Variants in SLC25A26 observed in about 807,000 individuals in gnomAD.
SLC25A26 encodes solute carrier family 25 member 26, also known as mitochondrial S-adenosylmethionine carrier protein.
In SLC25A26, 36 loss-of-function variants were observed where a neutral mutation model predicts 37.8. That is an observed-to-expected ratio of 0.95 (90% CI 0.73 to 1.26). The LOEUF is 1.26. SLC25A26 is among the 50% of genes most tolerant of loss of function. The probability of loss-of-function intolerance (pLI) is 0.00; values close to 1 mark genes in which losing one functional copy is unlikely to be tolerated. For missense variants in SLC25A26, 390 were observed against 331.1 expected (o/e 1.18, Z -1.38); for synonymous variants, 129 against 122.5 (o/e 1.05, Z -0.35).
chr3:66,354,904 T>TGCCATAATTGTGAGGCCTCCC (rs2076540560), intron 6 of SLC25A26, among the ~76,000 whole-genome samples: 2 of 152,204 alleles, frequency 1.3e-5, no homozygotes, highest in Non-Finnish European at 2.9e-5. Flanking sequence ...CCTTGCCTTC[T>TGCCATAATTGTGAGGCCTCCC]GCCATAATTG....
Position 66,370,536 on chromosome 3 carries a change from C to G in SLC25A26, c.641C>G (p.Ser214Cys), listed in dbSNP as rs1368985038. The change falls in exon 9 of 10, where the codon TCC becomes TGC. Residue 214 changes from serine (S) to cysteine (C), a missense_variant. Transcript: ENST00000354883. ...KTRITLAKAG[S>C]STADGNVLSV... is the part of the protein sequence containing the mutation. ...CTTTGTCTGTTCACACAGGCTGGCT[C>G]CAGCACTGCTGATGGGAATGTGCTC... is the stretch of plus-strand genomic sequence containing the variant. The G allele has an allele frequency of 1.9e-6, 3 of 1,613,680 alleles. No individual in the cohort carries two copies. Among genetic ancestry groups the G allele is most frequent in the Non-Finnish European group, 2.5e-6 (3 of 1,179,802 alleles).
Position 66,214,772 on chromosome 3 carries a change from G to A in SLC25A26, c.-353-5970G>A, listed in dbSNP as rs1251414796. Among the ~76,000 whole-genome samples, 16 of 152,150 alleles carry A rather than the reference G, an allele frequency of 1.1e-4. No individual in the cohort carries two copies. In the East Asian group the frequency reaches 1.9e-3, roughly 18 times the overall value. ...TTTAATTTTAATTTTTAATAACAAAGCTATTAACTGAAATTTTTTTTTTGA... is the reference window on the plus strand; with the variant it reads ...TTTAATTTTAATTTTTAATAACAAAACTATTAACTGAAATTTTTTTTTTGA... On this transcript the variant is annotated intron_variant, in intron 1 of 10. Coordinates refer to the SLC25A26 transcript ENST00000676754.
intron 5 of SLC25A26, among the ~76,000 whole-genome samples, chr3:66,321,072 A>G (rs959030513): frequency 5.9e-5 from 9 of 152,232 alleles, no homozygotes; most frequent in Non-Finnish European, 1.2e-4. Context: ...TATAAAAAAC[A>G]CCTGAGAGAG....
At chr3:66,155,196 G>A (rs2070264614) in intron 1 of SLC25A26, among the ~76,000 whole-genome samples, 1 of 152,174 alleles carries the variant, frequency 6.6e-6, no homozygotes, top group Non-Finnish European at 1.5e-5. Context: ...ATAAATACTT[G>A]CTAAATTAAC....
At chr3:66,333,613 T>A (rs1336494469) in intron 5 of SLC25A26, among the ~76,000 whole-genome samples, 2 of 152,202 alleles carry the variant, frequency 1.3e-5, no homozygotes, top group Non-Finnish European at 2.9e-5. Flanking sequence ...ATGCTCAGCC[T>A]CTTTATGTGT....
intron 5 of SLC25A26, 134 bp from the exon 6 acceptor site, chr3:66,346,230 C>G (rs192307476): frequency 1.0e-5 from 5 of 486,562 alleles, no homozygotes; most frequent in Admixed American, 4.3e-5. Flanking sequence ...AACATTATGT[C>G]TACTATAACT....
chr3:66,331,091 G>T (rs1240334471), intron 5 of SLC25A26, among the ~76,000 whole-genome samples: 2 of 151,846 alleles, frequency 1.3e-5, no homozygotes, highest in Admixed American at 6.6e-5. Flanking sequence ...TTATTGTTTA[G>T]TTTTTATATC....
intron 3 of SLC25A26, among the ~76,000 whole-genome samples, chr3:66,253,270 G>A (rs1016166653): frequency 4.0e-5 from 6 of 151,852 alleles, no homozygotes; most frequent in African/African-American, 1.5e-4. Flanking sequence ...AGTTAGTCGG[G>A]CATGGTGGTG....
At chr3:66,302,847 G>C (rs1476338427) in intron 5 of SLC25A26, among the ~76,000 whole-genome samples, 3 of 152,180 alleles carry the variant, frequency 2.0e-5, no homozygotes, top group African/African-American at 7.2e-5. Flanking sequence ...TTTGCCTTCT[G>C]AGTGTGTAAG....
At chr3:66,190,746 C>G (rs1240752686) in intron 1 of SLC25A26, among the ~76,000 whole-genome samples, 2 of 152,134 alleles carry the variant, frequency 1.3e-5, no homozygotes, top group Admixed American at 6.6e-5. Flanking sequence ...TCTTTAGAGA[C>G]AAGTGTCTGA....
intron 9 of SLC25A26, among the ~76,000 whole-genome samples, chr3:66,374,353 C>T (rs1013302145): frequency 2.6e-5 from 4 of 152,112 alleles, no homozygotes; most frequent in Admixed American, 1.3e-4. Flanking sequence ...TGTGATCAGC[C>T]GTCTTCGATG....
At position 66,377,787 on chromosome 3, in the gene SLC25A26, G is replaced by A; in HGVS notation, c.805G>A (p.Val269Ile). Residue 269 changes from valine to isoleucine, a missense_variant, in exon 10 of 10, where the codon GTT (valine) becomes ATT (isoleucine). Physicochemically the swap from Val to Ile is conservative, Grantham distance 29. Transcript: ENST00000354883. ...YDRTHSLLLEVGRKSP is the reference protein window; with the variant it reads ...YDRTHSLLLEIGRKSP ...CCGAACGCACAGCTTGCTGTTGGAA[G>A]TTGGCAGAAAGAGTCCTTGAAGCAG... 2 of 1,613,874 alleles carry A rather than the reference G, an allele frequency of 1.2e-6. No homozygotes were observed. The highest frequency in any genetic ancestry group is 2.2e-5 in the South Asian group (2 of 91,074).
intron 1 of SLC25A26, among the ~76,000 whole-genome samples, chr3:66,143,446 T>C (rs957408729): frequency 2.6e-5 from 4 of 152,238 alleles, no homozygotes; most frequent in Middle Eastern, 3.2e-3. Flanking sequence ...CTCTACGTGC[T>C]GGCAACACAA....
chr3:66,185,571 C>A (rs1043227205), intron 1 of SLC25A26, among the ~76,000 whole-genome samples: 8 of 152,100 alleles, frequency 5.3e-5, no homozygotes, highest in African/African-American at 1.9e-4. Context: ...TGAACTTTAC[C>A]TGACCCTGTC....
At chr3:66,166,878 G>T (rs1168934560) in intron 1 of SLC25A26, among the ~76,000 whole-genome samples, 2 of 152,138 alleles carry the variant, frequency 1.3e-5, no homozygotes, top group Admixed American at 6.5e-5. Context: ...CACGTGTTGT[G>T]GGAGGGACCC....
At chr3:66,148,538 G>T (rs1274116820) in intron 1 of SLC25A26, among the ~76,000 whole-genome samples, 1 of 152,194 alleles carries the variant, frequency 6.6e-6, no homozygotes, top group Admixed American at 6.5e-5. Context: ...CTCCTAAGAG[G>T]CTGGCCTTGA....
chr3:66,276,182 A>G (rs150102406), intron 5 of SLC25A26, among the ~76,000 whole-genome samples: 116 of 152,280 alleles, frequency 7.6e-4, no homozygotes, highest in African/African-American at 2.7e-3. Flanking sequence ...TGTTAACTTT[A>G]CATATATTTT....
At position 66,230,818 on chromosome 3, in the gene SLC25A26, A is replaced by C. The variant is rs935392075; in HGVS notation, c.34-5726A>C. On this transcript the variant is annotated intron_variant, in intron 1 of 9. Transcript: ENST00000354883. ...AAAACTCTGTCTCAAAAAAAAAAAA[A>C]ACAAAAAAAAACCAGAATTTTAGAC... Among the ~76,000 whole-genome samples the C allele has an allele frequency of 4.8e-5, 6 of 124,140 alleles. 1 individual carries two copies. Among genetic ancestry groups the C allele is most frequent in the Non-Finnish European group, 9.3e-5 (6 of 64,180 alleles). The allele number at this position is 124,140 out of a possible 152,430, so 81.4% of individuals were successfully genotyped here.
At chr3:66,357,727 C>A (rs1242667655) in intron 6 of SLC25A26, among the ~76,000 whole-genome samples, 1 of 151,030 alleles carries the variant, frequency 6.6e-6, no homozygotes, top group African/African-American at 2.4e-5. Flanking sequence ...AAAAAAAAAA[C>A]TTTTGTAAAC....
Sources: gnomAD v4.1 joint callset for allele counts (sites outside exome capture counted in the v4.1 genomes callset) on GRCh38, gnomAD v4.1.1 for gene constraint, MANE v1.5 for transcripts, NCBI Gene and HGNC (gene_info 2026-07-23, HGNC 2026-07-21) for gene names.